RNF216: variants seen among roughly 807,000 people sequenced by gnomAD.
RNF216 encodes ring finger protein 216, also known as E3 ubiquitin-protein ligase RNF216.
A neutral mutation model predicts 110.8 loss-of-function variants in RNF216; 72 were observed. The observed-to-expected ratio is 0.65, with a 90% CI of 0.54 to 0.79. The LOEUF (loss-of-function observed/expected upper bound fraction) is 0.79, where lower values mean the gene tolerates loss of function less well. RNF216 is among the 30% of genes least tolerant of loss of function. The probability of loss-of-function intolerance (pLI) is 0.00; values close to 1 mark genes in which losing one functional copy is unlikely to be tolerated. For synonymous variants in RNF216, 495 were observed against 407.5 expected (o/e 1.21, Z -2.59); for missense variants, 1,342 against 1,141.2 (o/e 1.18, Z -2.54).
chr7:5,760,911 T>C (rs975031857), intron 2 of RNF216, 92 bp downstream of exon 2: 58 of 987,156 alleles, frequency 5.9e-5, no homozygotes, highest in Non-Finnish European at 7.5e-5. Flanking sequence ...GGATTCTAAA[T>C]GGTACAAAAT....
intron 13 of RNF216, chr7:5,666,798 G>C (rs971058601): frequency 6.7e-6 from 1 of 149,420 alleles, no homozygotes; most frequent in African/African-American, 2.5e-5. Context: ...TGGAACCGAA[G>C]TTACTACAGC....
chr7:5,701,746 A>G (rs757007859), intron 13 of RNF216, among the ~76,000 whole-genome samples: 2 of 152,208 alleles, frequency 1.3e-5, no homozygotes, highest in Non-Finnish European at 2.9e-5. Flanking sequence ...ACAGCCACGC[A>G]TTTCACTGCC....
intron 13 of RNF216, among the ~76,000 whole-genome samples, chr7:5,682,532 C>T (rs536190845): frequency 3.9e-5 from 6 of 152,074 alleles, no homozygotes; most frequent in South Asian, 2.1e-4. Context: ...CTCAGCCACC[C>T]GAGTAGCTGG....
rs534477414 is a variant in RNF216, at chr7:5,656,788, AAGC to A, written c.2062-4281_2062-4279del. 4.4e-3 allele frequency among the ~76,000 whole-genome samples: 669 copies of A among 152,342 alleles called. 5 individuals are homozygous for A. The highest frequency in any genetic ancestry group is 0.017 in the Middle Eastern group (5 of 294). The stretch of plus-strand genomic sequence containing the variant: ...CTGCCTGAATAATGATTAATGAATA[AAGC>A]AGAAGATTAAATTCAATTCCAGATG... On this transcript the variant is annotated intron_variant, in intron 13 of 16. Coordinates refer to ENST00000389902, the MANE Select transcript of RNF216 (RefSeq NM_207111.4).
intron 5 of RNF216, among the ~76,000 whole-genome samples, chr7:5,734,497 T>C (rs1794275917): frequency 6.6e-6 from 1 of 152,180 alleles, no homozygotes; most frequent in Non-Finnish European, 1.5e-5. Flanking sequence ...CATTTTTCTT[T>C]ATGTATATTA....
chr7:5,736,795 G>A (rs182686898), intron 5 of RNF216, among the ~76,000 whole-genome samples: 50 of 149,760 alleles, frequency 3.3e-4, no homozygotes, highest in Admixed American at 2.3e-3. Context: ...GGTGAGCAGC[G>A]TCTCTGCCCG....
intron 7 of RNF216, among the ~76,000 whole-genome samples, chr7:5,728,370 A>C (rs1793885845): frequency 6.6e-6 from 1 of 152,020 alleles, no homozygotes; most frequent in Non-Finnish European, 1.5e-5. Flanking sequence ...ATCTGAGGTC[A>C]GGAGTTGCTG....
At chr7:5,648,569 CA>C (rs890125810) in intron 14 of RNF216, among the ~76,000 whole-genome samples, 6 of 149,312 alleles carry the variant, frequency 4.0e-5, no homozygotes, top group Non-Finnish European at 7.5e-5. Context: ...ACTAAAAATA[CA>C]AAAAAAAATT....
chr7:5,672,201 G>T (rs190556301), intron 13 of RNF216, among the ~76,000 whole-genome samples: 110 of 152,252 alleles, frequency 7.2e-4, no homozygotes, highest in Middle Eastern at 3.4e-3. Flanking sequence ...GTAGAGACTG[G>T]GACTAAGTCC....
chr7:5,708,099 G>A (rs1792417355), intron 13 of RNF216, among the ~76,000 whole-genome samples: 1 of 152,180 alleles, frequency 6.6e-6, no homozygotes, highest in Non-Finnish European at 1.5e-5. Flanking sequence ...CTTGTGGCTG[G>A]AAAAGATACT....
chr7:5,781,615 G>C lies in RNF216; in HGVS notation c.-144C>G, dbSNP rs1483219913. ...CCGCGCCGCTTACTCCTCAGAAGCCGCAGCTGCGAGCTCCGTGGCAGCCGC... is the reference window on the plus strand; with the variant it reads ...CCGCGCCGCTTACTCCTCAGAAGCCCCAGCTGCGAGCTCCGTGGCAGCCGC... On this transcript the variant is annotated 5_prime_UTR_variant, in exon 1 of 17. Transcript: ENST00000389902. 1.3e-5 allele frequency: 2 copies of C among 152,280 alleles called. No individual in the cohort carries two copies. The highest frequency in any genetic ancestry group is 2.9e-5 in the Non-Finnish European group (2 of 68,076). 9.4% of individuals were successfully genotyped at this position (152,280 alleles called of 1,614,324 possible).
intron 1 of RNF216, 35 bp from the exon 2 acceptor site, chr7:5,761,173 G>A (rs1795913725): frequency 1.6e-6 from 1 of 641,680 alleles, no homozygotes; most frequent in African/African-American, 1.9e-5. Flanking sequence ...GTAAGAATGA[G>A]GGAGTATCAA....
At chr7:5,668,253 C>A (rs1337249650) in intron 13 of RNF216, among the ~76,000 whole-genome samples, 1 of 145,762 alleles carries the variant, frequency 6.9e-6, no homozygotes, top group East Asian at 2.0e-4. Context: ...GATGGAGTCT[C>A]GCTCCGTTGG....
intron 3 of RNF216, among the ~76,000 whole-genome samples, chr7:5,743,037 C>A (rs184867315): frequency 2.0e-5 from 3 of 152,038 alleles, no homozygotes; most frequent in African/African-American, 7.3e-5. Context: ...CCAAGGCAGG[C>A]GGATCACGAG....
chr7:5,627,613 G>A (rs939253536), intron 15 of RNF216, among the ~76,000 whole-genome samples: 1 of 152,214 alleles, frequency 6.6e-6, no homozygotes, highest in East Asian at 1.9e-4. Context: ...TGAGCGTGGT[G>A]GTACACGCCT....
chr7:5,774,589 T>C (rs1311933466), intron 1 of RNF216, among the ~76,000 whole-genome samples: 2 of 152,224 alleles, frequency 1.3e-5, no homozygotes, highest in East Asian at 1.9e-4. Flanking sequence ...AAAATCAAAA[T>C]AGCTATTCTT....
chr7:5,737,054 T>C (rs536335648), intron 5 of RNF216, among the ~76,000 whole-genome samples: 1 of 152,216 alleles, frequency 6.6e-6, no homozygotes, highest in Non-Finnish European at 1.5e-5. Context: ...CGGGCCATGA[T>C]GACGATGACA....
At chr7:5,722,557 A>ATT (rs1442460344) in intron 8 of RNF216, among the ~76,000 whole-genome samples, 1 of 150,886 alleles carries the variant, frequency 6.6e-6, no homozygotes, top group African/African-American at 2.4e-5. Flanking sequence ...TGCCCGGCTA[A>ATT]TTTTTTGTAT....
chr7:5,722,998 T>C (rs1395876655), intron 8 of RNF216, among the ~76,000 whole-genome samples: 3 of 152,126 alleles, frequency 2.0e-5, no homozygotes, highest in East Asian at 1.9e-4. Context: ...ATTATGAGAA[T>C]AGAAAAGCAC....
Sources: allele counts gnomAD v4.1 joint callset (sites outside exome capture counted in the v4.1 genomes callset), GRCh38; gene constraint gnomAD v4.1.1; transcripts MANE v1.5; gene names NCBI Gene and HGNC (gene_info 2026-07-23, HGNC 2026-07-21).